Variants in IGF2R observed in about 807,000 individuals in gnomAD.
IGF2R encodes the protein cation-independent mannose-6-phosphate receptor.
A neutral mutation model predicts 270.6 loss-of-function variants in IGF2R; 91 were observed. That is an observed-to-expected ratio of 0.34 (90% CI 0.28 to 0.40). IGF2R has a LOEUF of 0.40. IGF2R is among the 10% of genes least tolerant of loss of function. The pLI, the probability that IGF2R is intolerant of heterozygous loss-of-function variation, is 1.00. For missense variants in IGF2R, 2,805 were observed against 3,188.3 expected (o/e 0.88, Z 2.90); for synonymous variants, 1,316 against 1,258.9 (o/e 1.05, Z -0.96).
At chr6:159,988,561 T>C (rs947251414) in intron 1 of IGF2R, among the ~76,000 whole-genome samples, 2 of 150,248 alleles carry the variant, frequency 1.3e-5, no homozygotes, top group African/African-American at 4.9e-5. Context: ...TTTAGGTACG[T>C]GTGGATCTCT....
In IGF2R at chr6:160,036,503, T is replaced by C. The variant is rs921815947; in HGVS notation, c.1315+1981T>C. Among the ~76,000 whole-genome samples the C allele has an allele frequency of 2.6e-5, 4 of 152,182 alleles. No homozygotes were observed. In the South Asian group the frequency reaches 8.3e-4, roughly 31 times the overall value. ...TGCTCTGCTGTGGTCTGAATCTCCC[T>C]GCAACTTTGTGATGACCTCCTTTGG... On this transcript the variant is annotated intron_variant, in intron 10 of 47. Transcript: ENST00000356956.
At chr6:160,024,072 T>G (rs1583265709) in intron 4 of IGF2R, among the ~76,000 whole-genome samples, 1 of 152,130 alleles carries the variant, frequency 6.6e-6, no homozygotes, top group East Asian at 1.9e-4. Context: ...GCACTGGATG[T>G]GTCAGCAGAG....
Position 159,969,138 on chromosome 6 carries a change from C to G in IGF2R, c.-109C>G. The G allele has an allele frequency of 1.7e-6, 1 of 597,528 alleles. No individual in the cohort carries two copies. Among genetic ancestry groups the G allele is most frequent in the Non-Finnish European group, 2.1e-6 (1 of 476,454 alleles). The allele number at this position is 597,528 out of a possible 1,614,324, so 37.0% of individuals were successfully genotyped here. A position where few individuals can be genotyped will look rare whatever the true frequency, so the allele number is the denominator to read the frequency against. On this transcript the variant is annotated 5_prime_UTR_variant, in exon 1 of 48. Transcript: ENST00000356956. ...CCGCGCTCACCTCGGGCTCCCGCTC[C>G]GTCTCCACCTCCGCCTTTGCCCTGG...
At chr6:160,058,672 G>C (rs906121242) in intron 21 of IGF2R, among the ~76,000 whole-genome samples, 24 of 152,182 alleles carry the variant, frequency 1.6e-4, no homozygotes, top group African/African-American at 5.5e-4. Flanking sequence ...ATAGATACGG[G>C]GATGTATGAA....
At chr6:160,038,704 C>T (rs528852864) in intron 10 of IGF2R, among the ~76,000 whole-genome samples, 4 of 152,128 alleles carry the variant, frequency 2.6e-5, no homozygotes, top group Non-Finnish European at 5.9e-5. Flanking sequence ...GCTATGGTAG[C>T]TGCCTCTGGG....
intron 2 of IGF2R, chr6:160,007,800 T>C (rs1463101754): frequency 1.3e-5 from 2 of 152,250 alleles, no homozygotes; most frequent in South Asian, 2.1e-4. Flanking sequence ...TCCTAGTTTA[T>C]AACTTACTTC....
chr6:159,980,915 T>A (rs1283625434), intron 1 of IGF2R, among the ~76,000 whole-genome samples: 1 of 152,228 alleles, frequency 6.6e-6, no homozygotes, highest in Non-Finnish European at 1.5e-5. Flanking sequence ...GAGCAAAGTA[T>A]GAGACCGCCC....
rs945091949 is a variant in IGF2R at position 160,063,622 on chromosome 6, A to G, written c.3878A>G (p.Lys1293Arg). The G allele has an allele frequency of 1.2e-6, 2 of 1,612,860 alleles. No homozygotes were observed. The highest frequency in any genetic ancestry group is 3.3e-5 in the Admixed American group (2 of 59,998). Residue 1293 changes from lysine (K) to arginine (R), a missense_variant, in exon 27 of 48, where the codon AAA (lysine) becomes AGA (arginine). By Grantham distance (26) the Lys-to-Arg change is conservative. Around this residue, in one of 2 missense-constraint regions of IGF2R, gnomAD observed 1,851 missense variants for 2,207.2 expected, o/e 0.84. Transcript: ENST00000356956. ...QEKREPQGFH[K>R]VAGLLTQKLT... ...AAGCGGGAACCGCAGGGATTTCACA[A>G]AGTGGCAGGTACCATTGTTTGTCGT...
intron 6 of IGF2R, among the ~76,000 whole-genome samples, chr6:160,028,919 AT>A (rs1226700366): frequency 6.6e-6 from 1 of 151,384 alleles, no homozygotes; most frequent in African/African-American, 2.4e-5. Flanking sequence ...AAAAAAAATA[AT>A]TTTTTTGTTC....
At chr6:160,062,026 T>A (rs2115263022) in intron 25 of IGF2R, 98 bp downstream of exon 25, 1 of 1,167,888 alleles carries the variant, frequency 8.6e-7, no homozygotes, top group Non-Finnish European at 1.2e-6. Context: ...AAAACTTGCC[T>A]GTGTTTTCGT....
intron 23 of IGF2R, among the ~76,000 whole-genome samples, 187 bp downstream of exon 23, chr6:160,060,904 TC>T (rs1737405145): frequency 6.6e-6 from 1 of 152,234 alleles, no homozygotes; most frequent in African/African-American, 2.4e-5. Context: ...GTAATGTTTT[TC>T]TTGAAGAGAA....
intron 32 of IGF2R, among the ~76,000 whole-genome samples, chr6:160,072,299 C>G (rs979322105): frequency 7.2e-5 from 11 of 152,104 alleles, no homozygotes; most frequent in South Asian, 2.1e-4. Flanking sequence ...GTGCTCCTGA[C>G]TGGGGTTACT....
At chr6:160,104,611 A>T (rs879736023) in intron 47 of IGF2R, 63 bp from the exon 48 acceptor site, 28 of 1,532,994 alleles carry the variant, frequency 1.8e-5, no homozygotes, top group Middle Eastern at 1.8e-4. Context: ...GATGTGGTGG[A>T]TGGTGGAGCA....
intron 1 of IGF2R, among the ~76,000 whole-genome samples, chr6:159,983,794 T>A (rs1275256866): frequency 6.6e-6 from 1 of 152,144 alleles, no homozygotes; most frequent in Non-Finnish European, 1.5e-5. Flanking sequence ...ATGTGGACCT[T>A]GTTTGTAGAG....
chr6:160,079,651 T>C lies in IGF2R; in HGVS notation c.5550T>C (p.Cys1850=), dbSNP rs1452853452. The part of the protein sequence containing the change: ...TFAVGPEQGG[C]KDGGVCLLSG... ...CAGTCGGGCCAGAACAAGGAGGCTG[T>C]AAGGACGGAGGAGTCTGTCTGCTCT... The change falls in exon 38 of 48, where the codon TGT becomes TGC. Residue 1850 remains cysteine, a synonymous_variant. Coordinates refer to ENST00000356956, the MANE Select transcript of IGF2R (RefSeq NM_000876.4). 1 of 1,569,302 alleles carries C rather than the reference T, an allele frequency of 6.4e-7. No individual in the cohort carries two copies. Among genetic ancestry groups the C allele is most frequent in the Non-Finnish European group, 8.6e-7 (1 of 1,158,626 alleles).
Position 160,047,183 on chromosome 6 carries a change from T to A in IGF2R, c.2076T>A (p.Gly692=), listed in dbSNP as rs766489035. The A allele has an allele frequency of 2.5e-6, 4 of 1,614,140 alleles. No individual in the cohort carries two copies. In the Admixed American group the frequency reaches 6.7e-5, roughly 27 times the overall value. The change falls in exon 16 of 48, where the codon GGT becomes GGA. Residue 692 remains glycine (G), a synonymous_variant. Coordinates refer to ENST00000356956, the MANE Select transcript of IGF2R (RefSeq NM_000876.4). ...GTGATGAGAAGACTTGGAACTTGGG[T>A]CTGAGTAATGCGAAGCTTTCATATT... ...AKSDEKTWNL[G]LSNAKLSYYD...
intron 19 of IGF2R, among the ~76,000 whole-genome samples, chr6:160,053,683 G>A (rs1449752467): frequency 6.6e-6 from 1 of 152,028 alleles, no homozygotes; most frequent in African/African-American, 2.4e-5. Context: ...CACATCTCTG[G>A]TGTCCTGTAT....
intron 29 of IGF2R, among the ~76,000 whole-genome samples, chr6:160,065,328 TG>T (rs1778544944): frequency 6.6e-6 from 1 of 152,206 alleles, no homozygotes; most frequent in Non-Finnish European, 1.5e-5. Flanking sequence ...TCTGCGGTTC[TG>T]TTTTTTGGAG....
chr6:160,060,110 AAC>A (rs1481348318), intron 22 of IGF2R, among the ~76,000 whole-genome samples: 50 of 152,134 alleles, frequency 3.3e-4, no homozygotes, highest in African/African-American at 1.1e-3. Context: ...AACCTGTCAT[AAC>A]ACAGGCCACC....
Sources: allele counts gnomAD v4.1 joint callset (sites outside exome capture counted in the v4.1 genomes callset), GRCh38; gene constraint gnomAD v4.1.1; regional missense constraint gnomAD v4.1.1; transcripts MANE v1.5; gene names NCBI Gene and HGNC (gene_info 2026-07-23, HGNC 2026-07-21).